The following PSME4 variants were observed in gnomAD, a reference collection of about 807,000 sequenced individuals.
PSME4 encodes proteasome activator complex subunit 4.
Under a neutral mutation model 253.9 loss-of-function variants are expected in PSME4, and 89 were observed. The observed-to-expected ratio is 0.35, with a 90% CI of 0.30 to 0.42. PSME4 has a LOEUF of 0.42. Among genes scored for constraint, PSME4 ranks in the 10% least tolerant of loss-of-function variants. The pLI, the probability that PSME4 is intolerant of heterozygous loss-of-function variation, is 1.00. For synonymous variants in PSME4, 851 were observed against 759.2 expected (o/e 1.12, Z -1.99); for missense variants, 2,014 against 2,195.2 (o/e 0.92, Z 1.65).
chr2:53,922,365 G>A (rs1668365562), intron 17 of PSME4, 152 bp downstream of exon 17: 3 of 722,426 alleles, frequency 4.2e-6, no homozygotes, highest in Admixed American at 2.9e-5. Flanking sequence ...GACAATAAGA[G>A]TATGACATAT....
intron 7 of PSME4, 98 bp downstream of exon 7, chr2:53,935,989 G>T: frequency 6.7e-7 from 1 of 1,481,844 alleles, no homozygotes; most frequent in Non-Finnish European, 9.0e-7. Context: ...AGCCTCCTGG[G>T]TTCAAGAGAT....
intron 24 of PSME4, 75 bp from the exon 25 acceptor site, chr2:53,906,943 T>G: frequency 7.3e-7 from 1 of 1,375,820 alleles, no homozygotes; most frequent in Non-Finnish European, 1.0e-6. Context: ...TCTAAATACC[T>G]TAATAAGTGG....
At chr2:53,887,617 A>C in intron 39 of PSME4, 150 bp from the exon 40 acceptor site, 1 of 879,770 alleles carries the variant, frequency 1.1e-6, no homozygotes, top group Non-Finnish European at 1.7e-6. Flanking sequence ...GAAGCCTTAT[A>C]ATTAAGGGGT....
chr2:53,880,206 T>A (rs781594680), intron 41 of PSME4, among the ~76,000 whole-genome samples: 5 of 152,166 alleles, frequency 3.3e-5, no homozygotes, highest in Non-Finnish European at 5.9e-5. Context: ...CCCATCATCC[T>A]AGCACTTTGG....
At position 53,869,515 on chromosome 2, in the gene PSME4, G is replaced by A; in HGVS notation, c.5124C>T (p.Thr1708=). ...QLEVREMAAT[T]LSGLLQCNFL... ...AGTTACACTGTAGCAGACCGCTTAA[G>A]GTAGTAGCAGCCATTTCTCGAACCT... Residue 1708 remains threonine (T), a synonymous_variant, in exon 44 of 47, where the codon ACC becomes ACT. Transcript: ENST00000404125. The A allele has an allele frequency of 6.5e-7, 1 of 1,529,780 alleles. No homozygotes were observed. Among genetic ancestry groups the A allele is most frequent in the Non-Finnish European group, 8.9e-7 (1 of 1,122,532 alleles). 94.8% of individuals were successfully genotyped at this position (1,529,780 alleles called of 1,614,324 possible).
At chr2:53,933,375 C>CAAAAAAAAAAAAAAAA (rs571833072) in intron 8 of PSME4, among the ~76,000 whole-genome samples, 41 of 60,616 alleles carry the variant, frequency 6.8e-4, no homozygotes, top group African/African-American at 1.0e-3. Flanking sequence ...GAGACCATCT[C>CAAAAAAAAAAAAAAAA]AAAAAAAAAA....
intron 37 of PSME4, 123 bp from the exon 38 acceptor site, chr2:53,888,935 A>T: frequency 1.3e-6 from 1 of 742,648 alleles, no homozygotes; most frequent in Non-Finnish European, 2.1e-6. Flanking sequence ...CCCAGGCTGG[A>T]GTGAAGTGGT....
At chr2:53,900,991 C>T (rs989955078) in intron 28 of PSME4, among the ~76,000 whole-genome samples, 8 of 152,148 alleles carry the variant, frequency 5.3e-5, no homozygotes, top group African/African-American at 1.9e-4. Context: ...AAATTACGAA[C>T]CCAGTAGTCG....
intron 42 of PSME4, among the ~76,000 whole-genome samples, chr2:53,875,194 A>G (rs1364886197): frequency 6.6e-6 from 1 of 152,234 alleles, no homozygotes; most frequent in African/African-American, 2.4e-5. Flanking sequence ...GTCCACTTCT[A>G]TATAACATGT....
chr2:53,921,206 T>G (rs1668299217), intron 17 of PSME4, 102 bp from the exon 18 acceptor site: 2 of 1,498,434 alleles, frequency 1.3e-6, no homozygotes, highest in East Asian at 2.3e-5. Context: ...AGTGTTTCTC[T>G]AAATGACTTT....
At chr2:53,954,700 G>T (rs933544667) in intron 1 of PSME4, among the ~76,000 whole-genome samples, 3 of 152,016 alleles carry the variant, frequency 2.0e-5, no homozygotes, top group Non-Finnish European at 4.4e-5. Context: ...AATTAGCTGG[G>T]CGTAGTGGCA....
chr2:53,925,135 A>AT (rs1169740505), intron 14 of PSME4, among the ~76,000 whole-genome samples: 1 of 152,168 alleles, frequency 6.6e-6, no homozygotes, highest in African/African-American at 2.4e-5. Flanking sequence ...CATTTTTGAC[A>AT]TTTTTAAACA....
chr2:53,940,862 TAATA>T (rs1558413168), intron 3 of PSME4, among the ~76,000 whole-genome samples: 2 of 142,358 alleles, frequency 1.4e-5, no homozygotes, highest in African/African-American at 5.1e-5. Flanking sequence ...TATATATATA[TAATA>T]TATATTTAAA....
At chr2:53,967,176 T>C (rs1670776018) in intron 1 of PSME4, among the ~76,000 whole-genome samples, 1 of 152,194 alleles carries the variant, frequency 6.6e-6, no homozygotes. Flanking sequence ...AAAATTTCCC[T>C]TGTGATGTGT....
intron 38 of PSME4, 160 bp from the exon 39 acceptor site, chr2:53,888,149 T>C: frequency 3.3e-6 from 2 of 614,072 alleles, no homozygotes; most frequent in Non-Finnish European, 4.9e-6. Context: ...TTTATGAAGA[T>C]TTTATTTTTC....
Position 53,887,289 on chromosome 2 carries a change from G to C in PSME4, c.4699C>G (p.Arg1567Gly). 1.9e-6 allele frequency: 3 copies of C among 1,613,722 alleles called. No homozygotes were observed. Among genetic ancestry groups the C allele is most frequent in the Non-Finnish European group, 2.5e-6 (3 of 1,179,786 alleles). Residue 1567 changes from arginine to glycine, a missense_variant, in exon 40 of 47, where the codon CGA becomes GGA. Arg to Gly is a moderately radical substitution (Grantham distance 125). Transcript: ENST00000404125. The part of the protein sequence containing the change: ...EENGIGEEDE[R>G]TQGIKLLKTI... ...TTCAAGAGTTTAATGCCCTGAGTTC[G>C]CTCATCTTCTTCACCAATTCCATTT...
intron 1 of PSME4, among the ~76,000 whole-genome samples, chr2:53,957,669 TAG>T (rs1670296637): frequency 6.6e-6 from 1 of 152,268 alleles, no homozygotes; most frequent in African/African-American, 2.4e-5. Context: ...ACCCCTACTT[TAG>T]AGATTCCCAC....
At chr2:53,922,090 T>C (rs1237515566) in intron 17 of PSME4, among the ~76,000 whole-genome samples, 1 of 151,748 alleles carries the variant, frequency 6.6e-6, no homozygotes, top group Non-Finnish European at 1.5e-5. Context: ...GAGAATGGCG[T>C]GAAGCTGGGA....
chr2:53,901,000 C>T (rs1275377697), intron 28 of PSME4, among the ~76,000 whole-genome samples: 7 of 152,116 alleles, frequency 4.6e-5, no homozygotes, highest in African/African-American at 1.7e-4. Context: ...ACCCAGTAGT[C>T]GATCTTTTGC....
Sources: allele counts gnomAD v4.1 joint callset (sites outside exome capture counted in the v4.1 genomes callset), GRCh38; gene constraint gnomAD v4.1.1; transcripts MANE v1.5; gene names NCBI Gene and HGNC (gene_info 2026-07-23, HGNC 2026-07-21).